MCPH1: variants seen among roughly 807,000 people sequenced by gnomAD.
The protein encoded by MCPH1 is microcephalin 1.
MCPH1 carries 104 observed loss-of-function variants against 84.5 expected under a neutral mutation model. The ratio of observed to expected loss-of-function variants is 1.23; its 90% CI spans 1.05 to 1.45. The LOEUF is 1.45. Ranked by LOEUF, MCPH1 falls within the 40% of genes most tolerant of loss-of-function variation. The pLI is 0.00. For missense variants in MCPH1, 1,498 were observed against 1,005.7 expected, an observed-to-expected ratio of 1.49 and a Z score of -6.62; for synonymous variants, 514 against 366.8, an observed-to-expected ratio of 1.40 and a Z score of -4.58.
chr8:6,557,434 C>G (rs542951339), intron 12 of MCPH1, among the ~76,000 whole-genome samples: 2 of 152,206 alleles, frequency 1.3e-5, no homozygotes, highest in South Asian at 4.2e-4. Context: ...TTCGTGATGA[C>G]TGGTGTGGCT....
chr8:6,569,566 A>T (rs1185347150), intron 12 of MCPH1, among the ~76,000 whole-genome samples: 1 of 152,224 alleles, frequency 6.6e-6, no homozygotes, highest in Non-Finnish European at 1.5e-5. Context: ...AAATATAAAC[A>T]CACACGTATA....
intron 10 of MCPH1, 59 bp downstream of exon 10, chr8:6,477,690 T>G: frequency 6.9e-7 from 1 of 1,454,390 alleles, no homozygotes; most frequent in East Asian, 2.3e-5. Context: ...TCTCTTATAC[T>G]CTAATTCTGG....
chr8:6,647,312 C>T lies in MCPH1; in HGVS notation c.*4263C>T, dbSNP rs1479862146. 3 of 152,156 alleles carry T rather than the reference C, an allele frequency of 2.0e-5. No homozygotes were observed. The highest frequency in any genetic ancestry group is 6.5e-5 in the Admixed American group (1 of 15,278). The allele number at this position is 152,156 out of a possible 1,614,324, so 9.4% of individuals were successfully genotyped here. On this transcript the variant is annotated 3_prime_UTR_variant, in exon 14 of 14. Transcript: ENST00000344683. ...AAGATATGGAGAAACTAGAACTCTC[C>T]TACATTGCTGGCATGAGTGCAAAAT...
chr8:6,633,290 CAA>C (rs1797301257), intron 13 of MCPH1, among the ~76,000 whole-genome samples: 1 of 152,116 alleles, frequency 6.6e-6, no homozygotes, highest in South Asian at 2.1e-4. Flanking sequence ...ATAGAAACAT[CAA>C]AGAGAGTCAA....
At chr8:6,446,232 T>C in intron 8 of MCPH1, 3 of 942,104 alleles carry the variant, frequency 3.2e-6, no homozygotes, top group Non-Finnish European at 3.8e-6. Flanking sequence ...TAAAAAATTT[T>C]GCACTTCACA....
intron 11 of MCPH1, among the ~76,000 whole-genome samples, chr8:6,492,024 T>C (rs1436795198): frequency 3.3e-5 from 5 of 152,228 alleles, no homozygotes. Flanking sequence ...ATGGTATTTC[T>C]AGTTCTAGAT....
intron 11 of MCPH1, among the ~76,000 whole-genome samples, chr8:6,491,013 A>C (rs1486258018): frequency 2.0e-5 from 3 of 148,782 alleles, no homozygotes; most frequent in African/African-American, 4.9e-5. Flanking sequence ...CTTAATATTA[A>C]ATTTTTAGAA....
chr8:6,640,093 T>TGC (rs1797840423), intron 13 of MCPH1, among the ~76,000 whole-genome samples: 1 of 141,702 alleles, frequency 7.1e-6, no homozygotes, highest in African/African-American at 2.7e-5. Flanking sequence ...TGTGTGTGTG[T>TGC]GTGTGCGCGC....
intron 13 of MCPH1, among the ~76,000 whole-genome samples, chr8:6,633,915 T>C (rs1487918850): frequency 1.3e-5 from 2 of 152,120 alleles, no homozygotes; most frequent in African/African-American, 4.8e-5. Flanking sequence ...TGTTTATCAA[T>C]AGCACAAACA....
At chr8:6,553,108 T>C (rs1823954187) in intron 12 of MCPH1, among the ~76,000 whole-genome samples, 1 of 152,048 alleles carries the variant, frequency 6.6e-6, no homozygotes, top group Non-Finnish European at 1.5e-5. Flanking sequence ...TGGGTGATAA[T>C]GATGGGTCAA....
At position 6,442,299 on chromosome 8, in the gene MCPH1, G is replaced by A. The variant is rs1431246458; in HGVS notation, c.670+143G>A. The A allele has an allele frequency of 5.6e-5, 36 of 641,482 alleles. 1 individual carries two copies. The Admixed American group carries it at 8.2e-4, about 15-fold the overall frequency. The allele number at this position is 641,482 out of a possible 1,614,324, so 39.7% of individuals were successfully genotyped here. A position where few individuals can be genotyped will look rare whatever the true frequency, so the allele number is the denominator to read the frequency against. On this transcript the variant is annotated intron_variant, in intron 7 of 13. Transcript: ENST00000344683. ...CTTCTAAATTTCCCCCTGAAATTAG[G>A]TATTATAATAAAATTAAGGCATGAG...
chr8:6,606,631 AGTGTATGTGAGAAG>A (rs751323203), intron 12 of MCPH1, among the ~76,000 whole-genome samples: 2 of 152,058 alleles, frequency 1.3e-5, no homozygotes, highest in African/African-American at 2.4e-5. Flanking sequence ...TAAGGAGGAG[AGTGTATGTGAGAAG>A]GTGTATGTGA....
intron 12 of MCPH1, chr8:6,521,169 T>C (rs1817262664): frequency 6.2e-7 from 1 of 1,606,996 alleles, no homozygotes; most frequent in Admixed American, 1.7e-5. Flanking sequence ...GCATGATATG[T>C]AAACTTACAG....
chr8:6,634,156 T>G (rs1797367254), intron 13 of MCPH1, among the ~76,000 whole-genome samples: 1 of 152,346 alleles, frequency 6.6e-6, no homozygotes, highest in African/African-American at 2.4e-5. Flanking sequence ...GGCATCACAC[T>G]GAACCCGTGC....
At chr8:6,561,266 G>A (rs1451334540) in intron 12 of MCPH1, among the ~76,000 whole-genome samples, 1 of 152,224 alleles carries the variant, frequency 6.6e-6, no homozygotes, top group Non-Finnish European at 1.5e-5. Flanking sequence ...CATTGCTAGT[G>A]AGTTTTATGT....
At position 6,475,112 on chromosome 8, in the gene MCPH1, G is replaced by C. The variant is rs191410597; in HGVS notation, c.1936-2482G>C. On this transcript the variant is annotated intron_variant, in intron 9 of 13. Coordinates refer to ENST00000344683, the MANE Select transcript of MCPH1 (RefSeq NM_024596.5). ...GCCAGTCAGAACAGAACATCCTTAA[G>C]AGCTATCACATTCTCACTTGGTAAG... Among the ~76,000 whole-genome samples, 8 of 152,308 alleles carry C rather than the reference G, an allele frequency of 5.3e-5. No individual in the cohort carries two copies. In the South Asian group the frequency reaches 6.2e-4, roughly 12 times the overall value.
At chr8:6,559,228 A>AC in intron 12 of MCPH1, among the ~76,000 whole-genome samples, 1 of 23,630 alleles carries the variant, frequency 4.2e-5, no homozygotes, top group Non-Finnish European at 1.0e-4. Flanking sequence ...GCCACACACG[A>AC]CAACACACAC....
intron 13 of MCPH1, among the ~76,000 whole-genome samples, chr8:6,635,756 C>A (rs889997022): frequency 6.6e-6 from 1 of 152,168 alleles, no homozygotes; most frequent in Non-Finnish European, 1.5e-5. Flanking sequence ...GGACCCACTT[C>A]CTGGGCCTGT....
intron 12 of MCPH1, among the ~76,000 whole-genome samples, chr8:6,615,274 C>G (rs3020259): frequency 6.6e-6 from 1 of 151,962 alleles, no homozygotes; most frequent in African/African-American, 2.4e-5. Context: ...AGTCCTCCCT[C>G]AATGCCCCAA....
Sources: gnomAD v4.1 joint callset for allele counts (sites outside exome capture counted in the v4.1 genomes callset) on GRCh38, gnomAD v4.1.1 for gene constraint, MANE v1.5 for transcripts, NCBI Gene and HGNC (gene_info 2026-07-23, HGNC 2026-07-21) for gene names.